Variants in DENND2A observed in about 807,000 individuals in gnomAD.
The protein encoded by DENND2A is DENN domain-containing protein 2A.
In DENND2A, 53 loss-of-function variants were observed where a neutral mutation model predicts 105.3. The ratio of observed to expected loss-of-function variants is 0.50; its 90% CI spans 0.40 to 0.63. DENND2A has a LOEUF of 0.63. Among genes scored for constraint, DENND2A ranks in the 30% least tolerant of loss-of-function variants. The pLI, the probability that DENND2A is intolerant of heterozygous loss-of-function variation, is 0.00. For missense variants in DENND2A, 1,138 were observed against 1,279.6 expected (o/e 0.89, Z 1.69); for synonymous variants, 522 against 508.4 (o/e 1.03, Z -0.36).
At chr7:140,588,684 G>A (rs1229353503) in intron 3 of DENND2A, among the ~76,000 whole-genome samples, 1 of 151,628 alleles carries the variant, frequency 6.6e-6, no homozygotes, top group Non-Finnish European at 1.5e-5. Context: ...CCTCCTGCCT[G>A]GGCCTCCCAA....
intron 13 of DENND2A, among the ~76,000 whole-genome samples, chr7:140,545,256 A>T (rs1796848231): frequency 1.3e-5 from 2 of 152,064 alleles, no homozygotes; most frequent in Non-Finnish European, 2.9e-5. Flanking sequence ...CACTTCGGAG[A>T]CTCGCTGCCA....
rs1796831493 is a variant in DENND2A, at chr7:140,544,874, C to G, written c.2179-108G>C. Reference sequence around the variant, plus strand: ...TGAGGTCCTCATCAGGGGTGACCCACTGGTGGGGGAAAAGGGAAAGAAAAA... The same window carrying G: ...TGAGGTCCTCATCAGGGGTGACCCAGTGGTGGGGGAAAAGGGAAAGAAAAA... On this transcript the variant is annotated intron_variant, in intron 13 of 19. Coordinates refer to ENST00000496613, the MANE Select transcript of DENND2A (RefSeq NM_015689.5). 6.1e-6 allele frequency: 9 copies of G among 1,485,714 alleles called. No individual in the cohort carries two copies. The East Asian group carries it at 2.2e-4, about 37-fold the overall frequency. The allele number at this position is 1,485,714 out of a possible 1,614,324, so 92.0% of individuals were successfully genotyped here.
chr7:140,622,941 A>G (rs1800351554), intron 1 of DENND2A, among the ~76,000 whole-genome samples: 1 of 152,164 alleles, frequency 6.6e-6, no homozygotes, highest in African/African-American at 2.4e-5. Context: ...CTGCTAAGTA[A>G]ACTAAAGCCC....
intron 1 of DENND2A, among the ~76,000 whole-genome samples, chr7:140,618,862 G>A (rs1348944286): frequency 6.6e-6 from 1 of 151,868 alleles, no homozygotes; most frequent in Non-Finnish European, 1.5e-5. Flanking sequence ...GGAGTGCAGT[G>A]GCACAATCTC....
At chr7:140,551,550 A>C (rs957522952) in intron 12 of DENND2A, among the ~76,000 whole-genome samples, 1 of 152,074 alleles carries the variant, frequency 6.6e-6, no homozygotes, top group African/African-American at 2.4e-5. Context: ...TAGCCTCTAG[A>C]GCAGCTAGAC....
rs181722776 is a variant in DENND2A, at chr7:140,623,195, A to G, written c.-248+17309T>C. ...CCAGGTGTGGTGGCGGGTGCCTACA[A>G]TCCCAGCTACTTGGGAGACTGATGC... On this transcript the variant is annotated intron_variant, in intron 1 of 19. Transcript: ENST00000496613. 9.0e-4 allele frequency among the ~76,000 whole-genome samples: 136 copies of G among 151,424 alleles called. 1 individual carries two copies. The highest frequency in any genetic ancestry group is 3.2e-3 in the African/African-American group (131 of 41,314).
At chr7:140,600,560 G>A (rs1324049161) in intron 3 of DENND2A, among the ~76,000 whole-genome samples, 1 of 152,070 alleles carries the variant, frequency 6.6e-6, no homozygotes, top group African/African-American at 2.4e-5. Flanking sequence ...GGTGTTCCTC[G>A]AATACTGAGA....
intron 17 of DENND2A, among the ~76,000 whole-genome samples, chr7:140,522,443 A>G (rs2130452826): frequency 6.6e-6 from 1 of 151,574 alleles, no homozygotes; most frequent in South Asian, 2.1e-4. Context: ...CCTCCCGAGT[A>G]GCTGGGATTA....
At chr7:140,567,732 T>C (rs1404397698) in intron 8 of DENND2A, among the ~76,000 whole-genome samples, 1 of 152,164 alleles carries the variant, frequency 6.6e-6, no homozygotes, top group Non-Finnish European at 1.5e-5. Flanking sequence ...CTTTTGGAGC[T>C]GGGAGCTTTG....
intron 3 of DENND2A, among the ~76,000 whole-genome samples, chr7:140,592,165 G>A (rs191010593): frequency 0.039 from 5,737 of 148,162 alleles, 206 homozygotes; most frequent in African/African-American, 0.1. Flanking sequence ...TCAGCCTCCC[G>A]AGTAGCTGAG....
At chr7:140,585,172 T>C (rs1798725957) in intron 5 of DENND2A, among the ~76,000 whole-genome samples, 1 of 152,230 alleles carries the variant, frequency 6.6e-6, no homozygotes, top group Admixed American at 6.5e-5. Flanking sequence ...CACTCCTGCC[T>C]GGGTGACAGA....
At position 140,546,957 on chromosome 7, in the gene DENND2A, G is replaced by A. The variant is rs543734931; in HGVS notation, c.2038-18C>T. 6.2e-7 allele frequency: 1 copy of A among 1,607,538 alleles called. No homozygotes were observed. Among genetic ancestry groups the A allele is most frequent in the South Asian group, 1.1e-5 (1 of 90,448 alleles). On this transcript the variant is annotated intron_variant, in intron 12 of 19. Transcript: ENST00000496613. ...TCCAAGATCTGCAAGGGTCAGAAAAGCAGCTTAGCTATTCCGAAGCCAAAG... is the reference window on the plus strand; with the variant it reads ...TCCAAGATCTGCAAGGGTCAGAAAAACAGCTTAGCTATTCCGAAGCCAAAG...
intron 10 of DENND2A, among the ~76,000 whole-genome samples, chr7:140,558,737 A>G (rs1797493819): frequency 1.3e-5 from 2 of 150,254 alleles, no homozygotes; most frequent in Non-Finnish European, 3.0e-5. Flanking sequence ...ACTGAGACCT[A>G]AAGTGTCGCT....
In DENND2A at chr7:140,527,570, C is replaced by T. The variant is rs1481479847; in HGVS notation, c.2328-75G>A. The T allele has an allele frequency of 1.7e-5, 24 of 1,428,726 alleles. No homozygotes were observed. Among genetic ancestry groups the T allele is most frequent in the Non-Finnish European group, 2.2e-5 (23 of 1,067,396 alleles). The allele number at this position is 1,428,726 out of a possible 1,614,324, so 88.5% of individuals were successfully genotyped here. A position where few individuals can be genotyped will look rare whatever the true frequency, so the allele number is the denominator to read the frequency against. On this transcript the variant is annotated intron_variant, in intron 14 of 19. Coordinates refer to ENST00000496613, the MANE Select transcript of DENND2A (RefSeq NM_015689.5). This position sits in a 1 kb window ranked among gnomAD's most constrained non-coding sequence, Gnocchi z 4.9. ...AGGAAGCCTCCAGGGGAGAAGGCTC[C>T]TCCCAGAGACAGGATGACTAGGAAA...
chr7:140,594,866 C>T (rs1799220005), intron 3 of DENND2A, among the ~76,000 whole-genome samples: 1 of 152,154 alleles, frequency 6.6e-6, no homozygotes, highest in South Asian at 2.1e-4. Flanking sequence ...CAAGTGCGTG[C>T]CACCATGCCC....
At chr7:140,557,331 G>A (rs1020940146) in intron 11 of DENND2A, among the ~76,000 whole-genome samples, 32 of 151,050 alleles carry the variant, frequency 2.1e-4, no homozygotes, top group Admixed American at 2.0e-3. Flanking sequence ...CCTGAGCTGG[G>A]GAGGTCGAGG....
Position 140,601,699 on chromosome 7 carries a change from C to T in DENND2A, c.699G>A (p.Glu233=), listed in dbSNP as rs200261624. 249 of 1,613,982 alleles carry T rather than the reference C, an allele frequency of 1.5e-4. No individual in the cohort carries two copies. The highest frequency in any genetic ancestry group is 1.9e-4 in the Non-Finnish European group (224 of 1,180,010). ...GCCTTCTGCATGAACCTTTCCTGTC[C>T]TCCACAAGCTCAGGGGTGGGCTCCC... ...EGREPTPELV[E]DRKGSCRRPW... The change falls in exon 3 of 20, where the codon GAG becomes GAA. Residue 233 remains glutamate (E), a synonymous_variant. Transcript: ENST00000496613.
chr7:140,567,239 C>A lies in DENND2A; in HGVS notation c.1626G>T (p.Arg542=). The A allele has an allele frequency of 6.2e-7, 1 of 1,610,446 alleles. No individual in the cohort carries two copies. Among genetic ancestry groups the A allele is most frequent in the Non-Finnish European group, 8.5e-7 (1 of 1,178,600 alleles). ...ATGGGTACCGAGGCGCCTGCTTCAG[C>A]CGGGACTTCACGTTGACCAGGCGCT... ...HSQRLVNVKS[R]LKQAPRYPSL... The change falls in exon 9 of 20, where the codon CGG becomes CGT. Residue 542 remains arginine, a synonymous_variant. Coordinates refer to ENST00000496613, the MANE Select transcript of DENND2A (RefSeq NM_015689.5).
chr7:140,574,083 G>A, intron 5 of DENND2A, 75 bp from the exon 6 acceptor site: 4 of 1,534,718 alleles, frequency 2.6e-6, no homozygotes, highest in South Asian at 2.3e-5. Flanking sequence ...GTGGTGCCAG[G>A]GACGAGACAA....
Sources: gnomAD v4.1 joint callset for allele counts (sites outside exome capture counted in the v4.1 genomes callset) on GRCh38, gnomAD v4.1.1 for gene constraint, Gnocchi (gnomAD v3.1) non-coding constraint, MANE v1.5 for transcripts, NCBI Gene and HGNC (gene_info 2026-07-23, HGNC 2026-07-21) for gene names.